Variants in SETD4 observed in about 807,000 individuals in gnomAD.
SETD4 encodes SET domain containing 4.
A neutral mutation model predicts 58.3 loss-of-function variants in SETD4; 46 were observed. The ratio of observed to expected loss-of-function variants is 0.79; its 90% CI spans 0.62 to 1.01. The LOEUF (loss-of-function observed/expected upper bound fraction) is 1.01. SETD4 is among the 50% of genes least tolerant of loss of function. The pLI, the probability that SETD4 is intolerant of heterozygous loss-of-function variation, is 0.00. For synonymous variants in SETD4, 190 were observed against 202.6 expected (o/e 0.94, Z 0.53); for missense variants, 490 against 523.3 (o/e 0.94, Z 0.62).
At chr21:36,055,346 A>G (rs1376752836) in intron 3 of SETD4, among the ~76,000 whole-genome samples, 7 of 152,236 alleles carry the variant, frequency 4.6e-5, no homozygotes, top group Admixed American at 3.9e-4. Flanking sequence ...TATACTAGGC[A>G]AAGTAGAAGT....
At chr21:36,039,426 G>A (rs1244676703) in intron 9 of SETD4, among the ~76,000 whole-genome samples, 1 of 152,200 alleles carries the variant, frequency 6.6e-6, no homozygotes, top group African/African-American at 2.4e-5. Flanking sequence ...GCCAGTTGTT[G>A]TATTTAATTT....
chr21:36,053,062 T>C (rs1424919642), intron 4 of SETD4: 1 of 154,324 alleles, frequency 6.5e-6, no homozygotes, highest in Non-Finnish European at 1.4e-5. Flanking sequence ...GGAATCCTAC[T>C]TAGAGGGCAC....
intron 5 of SETD4, 134 bp from the exon 6 acceptor site, chr21:36,046,145 GTTCC>G (rs1209103488): frequency 4.0e-5 from 37 of 928,774 alleles, no homozygotes; most frequent in African/African-American, 5.0e-5. Context: ...AGACTCAAGA[GTTCC>G]TTCCTTCCTT....
chr21:36,041,911 G>A (rs1378376043), intron 7 of SETD4, 23 bp from the exon 8 acceptor site: 1 of 1,090,402 alleles, frequency 9.2e-7, no homozygotes, highest in Non-Finnish European at 1.3e-6. Flanking sequence ...AAAAAAATCA[G>A]ACTGTTAGGG....
intron 7 of SETD4, chr21:36,043,244 G>A (rs1024781122): frequency 6.0e-6 from 1 of 167,122 alleles, no homozygotes; most frequent in Non-Finnish European, 1.2e-5. Context: ...CTGAGCAACA[G>A]AGTGCGACTC....
At chr21:36,060,164 T>C (rs1053946443) in intron 1 of SETD4, 183 bp downstream of exon 1, 2 of 979,290 alleles carry the variant, frequency 2.0e-6, no homozygotes, top group South Asian at 4.7e-5. Context: ...GCGCTAAGTG[T>C]AGGACTCCAC....
At chr21:36,059,923 A>T (rs2065205148) in intron 1 of SETD4, 15 of 984,848 alleles carry the variant, frequency 1.5e-5, no homozygotes, top group Non-Finnish European at 1.6e-5. Flanking sequence ...TGTCCCCAAG[A>T]CTCCCGGGCC....
chr21:36,041,460 G>C, intron 8 of SETD4, among the ~76,000 whole-genome samples: 1 of 152,190 alleles, frequency 6.6e-6, no homozygotes, highest in East Asian at 1.9e-4. Flanking sequence ...ATGTTGCCAG[G>C]TGCGTGGGCT....
At chr21:36,047,445 A>G (rs12482541) in intron 5 of SETD4, among the ~76,000 whole-genome samples, 63,911 of 151,798 alleles carry the variant, frequency 0.42, 13,524 homozygotes, top group Admixed American at 0.46. Flanking sequence ...CTTTCACAAA[A>G]TTAACAGCTC....
chr21:36,053,359 T>G, intron 4 of SETD4: 1 of 589,758 alleles, frequency 1.7e-6, no homozygotes, highest in Non-Finnish European at 3.0e-6. Flanking sequence ...TTTCTATGAG[T>G]GAGAACAAAA....
rs2123487997 is a variant in SETD4, at chr21:36,035,956, T to C, written c.*37A>G. 2 of 994,308 alleles carry C rather than the reference T, an allele frequency of 2.0e-6. No homozygotes were observed. The allele number at this position is 994,308 out of a possible 1,614,324, so 61.6% of individuals were successfully genotyped here. On this transcript the variant is annotated 3_prime_UTR_variant, in exon 12 of 12. Coordinates refer to ENST00000332131, the MANE Select transcript of SETD4 (RefSeq NM_017438.5). ...GATGATGCTCTTCAAAATTAACTTTTGTTTCTGTAGGAAAAGCAAAAGGAA... is the reference window on the plus strand; with the variant it reads ...GATGATGCTCTTCAAAATTAACTTTCGTTTCTGTAGGAAAAGCAAAAGGAA...
Position 36,036,218 on chromosome 21 carries a change from T to C in SETD4, c.1222A>G (p.Ile408Val), listed in dbSNP as rs1346200681. 1 of 1,611,272 alleles carries C rather than the reference T, an allele frequency of 6.2e-7. No individual in the cohort carries two copies. The highest frequency in any genetic ancestry group is 2.2e-5 in the East Asian group (1 of 44,892). ...SHMKDEKEALINQLTLVESLW... is the reference protein window; with the variant it reads ...SHMKDEKEALVNQLTLVESLW... ...GATTCCACCAAAGTTAGTTGGTTTATCAGGGCCTCTTTTTCATCCTTCATA... is the reference window on the plus strand; with the variant it reads ...GATTCCACCAAAGTTAGTTGGTTTACCAGGGCCTCTTTTTCATCCTTCATA... Residue 408 changes from isoleucine to valine, a missense_variant, in exon 11 of 12, where the codon ATA becomes GTA. Coordinates refer to ENST00000332131, the MANE Select transcript of SETD4 (RefSeq NM_017438.5).
intron 4 of SETD4, among the ~76,000 whole-genome samples, chr21:36,048,767 G>A: frequency 7.1e-6 from 1 of 141,468 alleles, no homozygotes; most frequent in African/African-American, 2.7e-5. Flanking sequence ...TCCCAGGCTA[G>A]AGTGCAATGG....
At chr21:36,058,188 AAG>A (rs2065082672) in intron 2 of SETD4, among the ~76,000 whole-genome samples, 2 of 152,232 alleles carry the variant, frequency 1.3e-5, no homozygotes, top group South Asian at 2.1e-4. Context: ...ACCATTAAAA[AAG>A]AGTGTTATTT....
rs1374382843 is a variant in SETD4, at chr21:36,053,618, T to C, written c.172A>G (p.Thr58Ala). The change falls in exon 4 of 12, where the codon ACA becomes GCA. Residue 58 changes from threonine (T) to alanine (A), a missense_variant and splice_region_variant. Coordinates refer to ENST00000332131, the MANE Select transcript of SETD4 (RefSeq NM_017438.5). ...SNLAPACFPG[T>A]GRGLMSQTSL... is the part of the protein sequence containing the mutation. ...GTTTGACTCATCAGCCCTCTTCCTG[T>C]ACCTAGGAAAGCAAAGACAGAAAGA... 1 of 1,613,840 alleles carries C rather than the reference T, an allele frequency of 6.2e-7. No individual in the cohort carries two copies. Among genetic ancestry groups the C allele is most frequent in the African/African-American group, 1.3e-5 (1 of 74,886 alleles).
At position 36,059,981 on chromosome 21, in the gene SETD4, C is replaced by T. The variant is rs187168516; in HGVS notation, c.-37+366G>A. On this transcript the variant is annotated intron_variant, in intron 1 of 11. Transcript: ENST00000332131. ...ACCCTGCTGAGGACCACGTGAAGCC[C>T]GGTGACCGCCACAGACACAGGCACC... 50 of 985,644 alleles carry T rather than the reference C, an allele frequency of 5.1e-5. No individual in the cohort carries two copies. The East Asian group carries it at 3.6e-3, about 72-fold the overall frequency. 61.1% of individuals were successfully genotyped at this position (985,644 alleles called of 1,614,324 possible).
chr21:36,045,331 G>A (rs1206732466), intron 6 of SETD4, among the ~76,000 whole-genome samples: 1 of 152,240 alleles, frequency 6.6e-6, no homozygotes, highest in African/African-American at 2.4e-5. Context: ...AGACCGGACA[G>A]AGGATGCAGC....
Position 36,045,480 on chromosome 21 carries a change from A to C in SETD4, c.726+102T>G, listed in dbSNP as rs754586427. 1.4e-5 allele frequency: 20 copies of C among 1,442,994 alleles called. No individual in the cohort carries two copies. The African/African-American group carries it at 2.6e-4, about 18-fold the overall frequency. 89.4% of individuals were successfully genotyped at this position (1,442,994 alleles called of 1,614,324 possible). On this transcript the variant is annotated intron_variant, in intron 6 of 11. Transcript: ENST00000332131. The stretch of plus-strand genomic sequence containing the variant: ...CTGACAGGGTCACCTGAAGCCGCCG[A>C]CACCTCTCCCTGTGGTGCCACCCAC...
intron 4 of SETD4, among the ~76,000 whole-genome samples, chr21:36,048,704 T>C (rs1012010925): frequency 4.7e-5 from 7 of 147,784 alleles, no homozygotes; most frequent in Non-Finnish European, 8.9e-5. Flanking sequence ...ATTCAAATTA[T>C]ACTGTTTCTT....
Sources: allele counts gnomAD v4.1 joint callset (sites outside exome capture counted in the v4.1 genomes callset), GRCh38; gene constraint gnomAD v4.1.1; transcripts MANE v1.5; gene names NCBI Gene and HGNC (gene_info 2026-07-23, HGNC 2026-07-21).